CDKN3: variants seen among roughly 807,000 people sequenced by gnomAD.
The protein encoded by CDKN3 is cyclin-dependent kinase inhibitor 3.
In CDKN3, 19 loss-of-function variants were observed where a neutral mutation model predicts 36.1. The ratio of observed to expected loss-of-function variants is 0.53; its 90% confidence interval spans 0.37 to 0.77. CDKN3 has a LOEUF of 0.77. CDKN3 is among the 30% of genes least tolerant of loss of function. The pLI, the probability that CDKN3 is intolerant of heterozygous loss-of-function variation, is 0.00. For missense variants in CDKN3, 188 were observed against 248.6 expected (o/e 0.76, Z 1.64); for synonymous variants, 71 against 85.3 (o/e 0.83, Z 0.92).
chr14:54,399,995 T>C lies in CDKN3; in HGVS notation c.92+19T>C. 8.9e-7 allele frequency: 1 copy of C among 1,118,598 alleles called. No individual in the cohort carries two copies. The highest frequency in any genetic ancestry group is 1.4e-6 in the Non-Finnish European group (1 of 729,976). 69.3% of individuals were successfully genotyped at this position (1,118,598 alleles called of 1,614,324 possible). A position where few individuals can be genotyped will look rare whatever the true frequency, so the allele number is the denominator to read the frequency against. ...TATCATGGTATGTTAGCATTTCTGA[T>C]CAATGATGAGCTAAAATCACAATCT... is the stretch of plus-strand genomic sequence containing the variant. On this transcript the variant is annotated intron_variant, in intron 2 of 7. Coordinates refer to ENST00000335183, the MANE Select transcript of CDKN3 (RefSeq NM_005192.4).
intron 1 of CDKN3, among the ~76,000 whole-genome samples, chr14:54,397,733 C>T (rs902245582): frequency 1.3e-5 from 2 of 152,214 alleles, no homozygotes; most frequent in African/African-American, 2.4e-5. Flanking sequence ...CTGAAGATCC[C>T]CCACCTAACC....
rs1477321670 is a variant in CDKN3 at position 54,412,741 on chromosome 14, C to A, written c.416+1035C>A. The A allele has an allele frequency of 1.1e-5, 4 of 372,990 alleles. No individual in the cohort carries two copies. In the East Asian group the frequency reaches 2.9e-4, roughly 27 times the overall value. 23.1% of individuals were successfully genotyped at this position (372,990 alleles called of 1,614,324 possible). A position where few individuals can be genotyped will look rare whatever the true frequency, so the allele number is the denominator to read the frequency against. On this transcript the variant is annotated intron_variant, in intron 5 of 7. Coordinates refer to ENST00000335183, the MANE Select transcript of CDKN3 (RefSeq NM_005192.4). Reference sequence around the variant, plus strand: ...GATGCTCTGCCGGAAGTGAAACACACAAAGCAACAGAGAGCCAGCCATGGG... The same window carrying A: ...GATGCTCTGCCGGAAGTGAAACACAAAAAGCAACAGAGAGCCAGCCATGGG...
At position 54,417,864 on chromosome 14, in the gene CDKN3, A is replaced by G; in HGVS notation, c.465A>G (p.Leu155=). The G allele has an allele frequency of 6.3e-7, 1 of 1,591,608 alleles. No individual in the cohort carries two copies. The highest frequency in any genetic ancestry group is 8.6e-7 in the Non-Finnish European group (1 of 1,167,166). Residue 155 remains leucine (L), a synonymous_variant, in exon 7 of 8, where the codon CTA becomes CTG. Transcript: ENST00000335183. ...TTCCATTAGTAGCTGCTTGTCTCCT[A>G]CTATACCTGTCTGACACAATATCAC... ...GRSCLVAACL[L]LYLSDTISPE...
chr14:54,413,024 G>A (rs1442014978), intron 5 of CDKN3: 1 of 379,238 alleles, frequency 2.6e-6, no homozygotes, highest in Non-Finnish European at 5.3e-6. Context: ...AACAGTGTCA[G>A]TTCTGAAGGC....
At chr14:54,414,442 ATAAG>A (rs1235136452) in intron 5 of CDKN3, among the ~76,000 whole-genome samples, 2 of 152,190 alleles carry the variant, frequency 1.3e-5, no homozygotes, top group African/African-American at 4.8e-5. Context: ...GTTTTAAAAG[ATAAG>A]TAGGAATTCA....
chr14:54,419,775 TTC>T (rs1398894849), intron 7 of CDKN3, among the ~76,000 whole-genome samples: 1 of 152,242 alleles, frequency 6.6e-6, no homozygotes, highest in African/African-American at 2.4e-5. Flanking sequence ...TCATTTCACC[TTC>T]TGATTTTTAG....
intron 3 of CDKN3, among the ~76,000 whole-genome samples, chr14:54,402,334 G>GTT (rs60859599): frequency 2.7e-5 from 4 of 150,218 alleles, no homozygotes; most frequent in Admixed American, 6.6e-5. Flanking sequence ...GTGTGTGTGT[G>GTT]TATGTATATC....
intron 3 of CDKN3, among the ~76,000 whole-genome samples, chr14:54,406,289 A>T (rs377131234): frequency 2.6e-5 from 4 of 151,762 alleles, no homozygotes; most frequent in Non-Finnish European, 5.9e-5. Context: ...CTTCATTTCA[A>T]TCTTGGTGAA....
At chr14:54,410,853 A>G (rs990285552) in intron 4 of CDKN3, among the ~76,000 whole-genome samples, 2 of 152,196 alleles carry the variant, frequency 1.3e-5, no homozygotes, top group Admixed American at 6.5e-5. Context: ...CACAAAATCA[A>G]CCATATTTGC....
chr14:54,420,032 C>T lies in CDKN3; in HGVS notation c.593C>T (p.Ala198Val). The T allele has an allele frequency of 6.2e-7, 1 of 1,609,412 alleles. No homozygotes were observed. The highest frequency in any genetic ancestry group is 1.7e-5 in the Admixed American group (1 of 59,972). ...CATGAGTTTCGGGACAAATTAGCTG[C>T]ACATCTATCATCAAGAGATTCACAA... ...YLHEFRDKLA[A>V]HLSSRDSQSR... Residue 198 changes from alanine (A) to valine (V), a missense_variant, in exon 8 of 8, where the codon GCA becomes GTA. Coordinates refer to ENST00000335183, the MANE Select transcript of CDKN3 (RefSeq NM_005192.4).
At chr14:54,411,325 T>C in intron 4 of CDKN3, 159 bp from the exon 5 acceptor site, 1 of 598,958 alleles carries the variant, frequency 1.7e-6, no homozygotes, top group African/African-American at 1.9e-5. Flanking sequence ...TCTAGACCCC[T>C]TTTGATTCAG....
Position 54,407,053 on chromosome 14 carries a change from G to A in CDKN3, c.149-1692G>A, listed in dbSNP as rs376705682. Among the ~76,000 whole-genome samples, 307 of 152,308 alleles carry A rather than the reference G, an allele frequency of 2.0e-3. 20 individuals carry two copies. In the South Asian group the frequency reaches 0.061, roughly 30 times the overall value. ...CGTGGGCGTCCTTTCCGTTGATGTT[G>A]ATGCTATTGCTTTCTGTTTGTTAGT... On this transcript the variant is annotated intron_variant, in intron 3 of 7. Transcript: ENST00000335183.
At chr14:54,407,235 A>G (rs1313163646) in intron 3 of CDKN3, among the ~76,000 whole-genome samples, 2 of 152,114 alleles carry the variant, frequency 1.3e-5, no homozygotes, top group African/African-American at 4.8e-5. Context: ...CCAGAGGGGC[A>G]CCTGCCGGAT....
chr14:54,404,631 A>G (rs1425543124), intron 3 of CDKN3, among the ~76,000 whole-genome samples: 2 of 151,824 alleles, frequency 1.3e-5, no homozygotes, highest in Admixed American at 6.6e-5. Context: ...CTACAGTGCA[A>G]TGGCACAATC....
intron 4 of CDKN3, 39 bp downstream of exon 4, chr14:54,408,828 TA>T: frequency 6.6e-7 from 1 of 1,517,352 alleles, no homozygotes; most frequent in Non-Finnish European, 8.8e-7. Flanking sequence ...ATGGGTTTTT[TA>T]AATGAATAGC....
intron 3 of CDKN3, among the ~76,000 whole-genome samples, chr14:54,407,000 G>A (rs932711012): frequency 2.0e-5 from 3 of 152,196 alleles, no homozygotes; most frequent in Non-Finnish European, 4.4e-5. Context: ...GGTCTTTGAT[G>A]TTGGTGACTT....
chr14:54,414,987 C>A (rs184352517), intron 5 of CDKN3, among the ~76,000 whole-genome samples: 25 of 151,756 alleles, frequency 1.6e-4, no homozygotes, highest in Non-Finnish European at 3.5e-4. Context: ...AAATATATAT[C>A]TACAGCTTTA....
At chr14:54,413,180 G>A (rs2030418274) in intron 5 of CDKN3, among the ~76,000 whole-genome samples, 1 of 152,036 alleles carries the variant, frequency 6.6e-6, no homozygotes, top group Non-Finnish European at 1.5e-5. Context: ...CTTCCTCTAT[G>A]GAAAAAGCAT....
chr14:54,416,720 C>T (rs1013046280), intron 6 of CDKN3, among the ~76,000 whole-genome samples: 2 of 152,124 alleles, frequency 1.3e-5, no homozygotes, highest in Non-Finnish European at 2.9e-5. Flanking sequence ...GGGACTGAGG[C>T]TGGAGGACTG....
Sources: allele counts gnomAD v4.1 joint callset (sites outside exome capture counted in the v4.1 genomes callset), GRCh38; gene constraint gnomAD v4.1.1; transcripts MANE v1.5; gene names NCBI Gene and HGNC (gene_info 2026-07-23, HGNC 2026-07-21).